ST6GALNAC3: variants seen among roughly 807,000 people sequenced by gnomAD.
The protein encoded by ST6GALNAC3 is alpha-N-acetylgalactosaminide alpha-2,6-sialyltransferase 3.
In ST6GALNAC3, 25 loss-of-function variants were observed where a neutral mutation model predicts 32.7. That is an observed-to-expected ratio of 0.76 (90% CI 0.56 to 1.07). The LOEUF is 1.07. Among genes scored for constraint, ST6GALNAC3 ranks in the 50% least tolerant of loss-of-function variants. The probability of loss-of-function intolerance (pLI) is 0.00; values close to 1 mark genes in which losing one functional copy is unlikely to be tolerated. For synonymous variants in ST6GALNAC3, 129 were observed against 133.1 expected, an observed-to-expected ratio of 0.97 and a Z score of 0.21; for missense variants, 355 against 382.4, an observed-to-expected ratio of 0.93 and a Z score of 0.60.
At chr1:76,472,648 A>G (rs1165089443) in intron 3 of ST6GALNAC3, among the ~76,000 whole-genome samples, 1 of 152,182 alleles carries the variant, frequency 6.6e-6, no homozygotes, top group Non-Finnish European at 1.5e-5. Context: ...GGGAATAAAA[A>G]TAGAACTATC....
chr1:76,339,109 G>T (rs1647745243), intron 2 of ST6GALNAC3, among the ~76,000 whole-genome samples: 1 of 152,150 alleles, frequency 6.6e-6, no homozygotes, highest in Admixed American at 6.5e-5. Context: ...GCTATTTACT[G>T]AGTGATCCTG....
chr1:76,129,535 G>A (rs1012439683), intron 1 of ST6GALNAC3, among the ~76,000 whole-genome samples: 2 of 152,106 alleles, frequency 1.3e-5, no homozygotes, highest in Non-Finnish European at 2.9e-5. Context: ...CCTTCTTTAC[G>A]TCCCTTCTTT....
At chr1:76,483,919 C>T (rs1659913860) in intron 3 of ST6GALNAC3, among the ~76,000 whole-genome samples, 1 of 123,350 alleles carries the variant, frequency 8.1e-6, no homozygotes, top group Admixed American at 7.5e-5. Flanking sequence ...GGAAGGCATC[C>T]AGTTTCAGCT....
At chr1:76,106,470 G>T (rs1420677533) in intron 1 of ST6GALNAC3, among the ~76,000 whole-genome samples, 1 of 152,124 alleles carries the variant, frequency 6.6e-6, no homozygotes, top group Non-Finnish European at 1.5e-5. Flanking sequence ...GCTCGCTGAG[G>T]CAGTCTAAGG....
intron 2 of ST6GALNAC3, among the ~76,000 whole-genome samples, chr1:76,325,738 AT>A (rs1435196470): frequency 1.3e-5 from 2 of 149,748 alleles, no homozygotes; most frequent in African/African-American, 4.9e-5. Context: ...TATTTTTACA[AT>A]TATTATTACT....
At position 76,330,056 on chromosome 1, in the gene ST6GALNAC3, G is replaced by A. The variant is rs151142387; in HGVS notation, c.213+16057G>A. On this transcript the variant is annotated intron_variant, in intron 2 of 4. Transcript: ENST00000328299. ...ACTCCTGACCTCAGTTGATTCACCTGCCTCCCAAAGTGTTGGGATTACAAG... is the reference window on the plus strand; with the variant it reads ...ACTCCTGACCTCAGTTGATTCACCTACCTCCCAAAGTGTTGGGATTACAAG... Among the ~76,000 whole-genome samples the A allele has an allele frequency of 3.5e-3, 528 of 152,162 alleles. 7 individuals are homozygous for A. Among genetic ancestry groups the A allele is most frequent in the Non-Finnish European group, 9.3e-4 (63 of 68,020 alleles).
intron 1 of ST6GALNAC3, among the ~76,000 whole-genome samples, chr1:76,233,803 A>G (rs1331463603): frequency 6.6e-6 from 1 of 152,206 alleles, no homozygotes; most frequent in African/African-American, 2.4e-5. Flanking sequence ...GTAGTGGTGA[A>G]GTCTGGGAGG....
intron 2 of ST6GALNAC3, among the ~76,000 whole-genome samples, chr1:76,371,439 C>G (rs1650807693): frequency 1.3e-5 from 2 of 151,732 alleles, no homozygotes; most frequent in South Asian, 4.2e-4. Flanking sequence ...GGAAGGGCAT[C>G]CTAGAAAAAA....
chr1:76,277,184 T>C (rs937727567), intron 1 of ST6GALNAC3, among the ~76,000 whole-genome samples: 2 of 152,150 alleles, frequency 1.3e-5, no homozygotes, highest in Non-Finnish European at 2.9e-5. Flanking sequence ...TTCCTTATGG[T>C]TGATATTTTG....
rs762227546 is a variant in ST6GALNAC3 at position 76,277,611 on chromosome 1, T to TATATACAC, written c.19-36193_19-36192insTATACACA. 5.9e-5 allele frequency among the ~76,000 whole-genome samples: 3 copies of TATATACAC among 51,160 alleles called. No homozygotes were observed. In the East Asian group the frequency reaches 5.2e-3, roughly 88 times the overall value. 33.6% of individuals were successfully genotyped at this position (51,160 alleles called of 152,430 possible). A position where few individuals can be genotyped will look rare whatever the true frequency, so the allele number is the denominator to read the frequency against. ...ATGTGTATATATATATATATATATA[T>TATATACAC]ACACACACACACACACACACACACA... On this transcript the variant is annotated intron_variant, in intron 1 of 4. Coordinates refer to ENST00000328299, the MANE Select transcript of ST6GALNAC3 (RefSeq NM_152996.4).
chr1:76,230,747 A>G (rs891392167), intron 1 of ST6GALNAC3, among the ~76,000 whole-genome samples: 2 of 152,192 alleles, frequency 1.3e-5, no homozygotes, highest in Admixed American at 6.5e-5. Flanking sequence ...AATACATTAG[A>G]AAGGTATCAG....
downstream of ST6GALNAC3, among the ~76,000 whole-genome samples, chr1:76,636,679 T>C (rs1203016054): frequency 6.6e-6 from 1 of 152,176 alleles, no homozygotes; most frequent in Non-Finnish European, 1.5e-5. Context: ...CTTTAAGCTA[T>C]CTAGGAATCC....
rs529145405 is a variant in ST6GALNAC3, at chr1:76,219,201, C to G, written c.19-94604C>G. 3.3e-5 allele frequency among the ~76,000 whole-genome samples: 5 copies of G among 152,298 alleles called. 1 individual carries two copies. The South Asian group carries it at 1.0e-3, about 32-fold the overall frequency. On this transcript the variant is annotated intron_variant, in intron 1 of 4. Coordinates refer to ENST00000328299, the MANE Select transcript of ST6GALNAC3 (RefSeq NM_152996.4). The stretch of plus-strand genomic sequence containing the variant: ...GATATTTCGCATTTGCAGTTTGGTT[C>G]CCTGCATATAACATATGCTCACACA...
chr1:76,102,244 T>A (rs949039006), intron 1 of ST6GALNAC3, among the ~76,000 whole-genome samples: 1 of 151,216 alleles, frequency 6.6e-6, no homozygotes, highest in African/African-American at 2.4e-5. Flanking sequence ...TTTGTGTGTG[T>A]GTGTGTGTGT....
intron 1 of ST6GALNAC3, among the ~76,000 whole-genome samples, chr1:76,259,096 A>G (rs1050595041): frequency 1.3e-5 from 2 of 152,212 alleles, no homozygotes; most frequent in African/African-American, 4.8e-5. Flanking sequence ...AGATGAATGC[A>G]TGTTCTGAAA....
intron 2 of ST6GALNAC3, among the ~76,000 whole-genome samples, chr1:76,371,741 C>A (rs576306205): frequency 2.6e-4 from 40 of 152,256 alleles, no homozygotes; most frequent in Admixed American, 2.2e-3. Context: ...TGTGGCCATC[C>A]CAGTTTGCTA....
intron 3 of ST6GALNAC3, among the ~76,000 whole-genome samples, chr1:76,615,702 A>G (rs537232783): frequency 2.0e-5 from 3 of 152,330 alleles, no homozygotes; most frequent in African/African-American, 7.2e-5. Context: ...GCTGCTCTCA[A>G]ATAAGGGACA....
At chr1:76,478,985 G>C (rs58526292) in intron 3 of ST6GALNAC3, among the ~76,000 whole-genome samples, 13,110 of 151,698 alleles carry the variant, frequency 0.086, 851 homozygotes, top group Non-Finnish European at 0.12. Context: ...GGATGGTCTC[G>C]ATCTCCTGAC....
chr1:76,234,831 G>A (rs1656558199), intron 1 of ST6GALNAC3, among the ~76,000 whole-genome samples: 1 of 152,162 alleles, frequency 6.6e-6, no homozygotes, highest in African/African-American at 2.4e-5. Context: ...AGGGTCTATG[G>A]AAGATGAAGA....
Sources: allele counts gnomAD v4.1 joint callset (sites outside exome capture counted in the v4.1 genomes callset), GRCh38; gene constraint gnomAD v4.1.1; transcripts MANE v1.5; gene names NCBI Gene and HGNC (gene_info 2026-07-23, HGNC 2026-07-21).